The following ADGB variants were observed in gnomAD, a reference collection of about 807,000 sequenced individuals.
ADGB encodes androglobin.
In ADGB, 172 loss-of-function variants were observed where a neutral mutation model predicts 210.5. The observed-to-expected ratio is 0.82, with a 90% CI of 0.72 to 0.93. The LOEUF (loss-of-function observed/expected upper bound fraction) is 0.93. Ranked by LOEUF, ADGB falls within the 40% of genes least tolerant of loss-of-function variation. ADGB has a pLI of 0.00. For missense variants in ADGB, 2,025 were observed against 1,964.8 expected, an observed-to-expected ratio of 1.03 and a Z score of -0.58; for synonymous variants, 658 against 662.7, an observed-to-expected ratio of 0.99 and a Z score of 0.11.
rs1780753289 is a variant in ADGB at position 146,614,198 on chromosome 6, TCCCTTCCTCCCTTCCTTCCTC to T, written c.74+15087_74+15107del. Among the ~76,000 whole-genome samples the T allele has an allele frequency of 2.2e-4, 20 of 92,220 alleles. No homozygotes were observed. In the South Asian group the frequency reaches 9.0e-3, roughly 41 times the overall value. 60.5% of individuals were successfully genotyped at this position (92,220 alleles called of 152,430 possible). A position where few individuals can be genotyped will look rare whatever the true frequency, so the allele number is the denominator to read the frequency against. On this transcript the variant is annotated intron_variant, in intron 1 of 35. Transcript: ENST00000397944. ...TTCTCTCCCTCCCTCCCTCCCTCCCTCCCTTCCTCCCTTCCTTCCTCCCTTCCTTCCTTCCTTCCTTCCTTC... is the reference window on the plus strand; with the variant it reads ...TTCTCTCCCTCCCTCCCTCCCTCCCTCCTTCCTTCCTTCCTTCCTTCCTTC...
At chr6:146,610,916 A>G (rs1780699053) in intron 1 of ADGB, among the ~76,000 whole-genome samples, 1 of 152,088 alleles carries the variant, frequency 6.6e-6, no homozygotes, top group Non-Finnish European at 1.5e-5. Context: ...GCACGCTGGC[A>G]TGGACAGGCC....
In ADGB at chr6:146,715,540, T is replaced by C. The variant is rs9485116; in HGVS notation, c.1741+125T>C. On this transcript the variant is annotated intron_variant, in intron 14 of 35. Coordinates refer to ENST00000397944, the MANE Select transcript of ADGB (RefSeq NM_024694.4). ...TTCTTCAGTGTCTCCTTTGATTTGCTGAGTCTAGTCTGCTCTGGGCTTTAA... is the reference window on the plus strand; with the variant it reads ...TTCTTCAGTGTCTCCTTTGATTTGCCGAGTCTAGTCTGCTCTGGGCTTTAA... 0.027 allele frequency: 16,103 copies of C among 600,514 alleles called. 1,957 individuals are homozygous for C. In the African/African-American group the frequency reaches 0.27, roughly 10 times the overall value. 37.2% of individuals were successfully genotyped at this position (600,514 alleles called of 1,614,324 possible).
At chr6:146,731,697 T>C (rs1776990386) in intron 20 of ADGB, among the ~76,000 whole-genome samples, 1 of 152,202 alleles carries the variant, frequency 6.6e-6, no homozygotes, top group Non-Finnish European at 1.5e-5. Flanking sequence ...TACCGTGTTA[T>C]ATTAACTCCT....
intron 8 of ADGB, among the ~76,000 whole-genome samples, chr6:146,674,788 C>T (rs1776064801): frequency 6.6e-6 from 1 of 152,110 alleles, no homozygotes; most frequent in Non-Finnish European, 1.5e-5. Flanking sequence ...GACAGAGGAG[C>T]AATCCTTATT....
At chr6:146,720,757 C>T (rs1291113638) in intron 16 of ADGB, among the ~76,000 whole-genome samples, 10 of 152,058 alleles carry the variant, frequency 6.6e-5, no homozygotes, top group Admixed American at 2.0e-4. Context: ...GAAAGTGCCA[C>T]GCACTTTCAA....
intron 35 of ADGB, among the ~76,000 whole-genome samples, chr6:146,804,283 A>T (rs73786783): frequency 0.033 from 4,963 of 152,152 alleles, 253 homozygotes; most frequent in African/African-American, 0.11. Flanking sequence ...ACTCCTACAC[A>T]TCCCCAAAGA....
At chr6:146,717,184 T>C in intron 15 of ADGB, 115 bp downstream of exon 15, 2 of 853,058 alleles carry the variant, frequency 2.3e-6, no homozygotes, top group Non-Finnish European at 3.5e-6. Flanking sequence ...AGTGGTTATA[T>C]AACCTATTAA....
At chr6:146,814,522 C>T (rs1382707810) in intron 35 of ADGB, among the ~76,000 whole-genome samples, 2 of 152,110 alleles carry the variant, frequency 1.3e-5, no homozygotes, top group Admixed American at 6.5e-5. Flanking sequence ...CATATAAGGC[C>T]TTGGTATCCT....
At chr6:146,691,712 A>G (rs746159045) in intron 11 of ADGB, among the ~76,000 whole-genome samples, 4 of 150,092 alleles carry the variant, frequency 2.7e-5, no homozygotes, top group Non-Finnish European at 5.9e-5. Flanking sequence ...CTCAGAAGCT[A>G]AGGAGTTTGG....
At chr6:146,721,270 G>T (rs892418746) in intron 16 of ADGB, 133 bp from the exon 17 acceptor site, 1 of 611,302 alleles carries the variant, frequency 1.6e-6, no homozygotes, top group African/African-American at 1.9e-5. Context: ...GATTCATAAA[G>T]TATTTATTGT....
intron 1 of ADGB, among the ~76,000 whole-genome samples, chr6:146,601,037 A>C (rs1780549448): frequency 6.6e-6 from 1 of 152,020 alleles, no homozygotes; most frequent in African/African-American, 2.4e-5. Flanking sequence ...GCTTCGGGAA[A>C]ATCTTGGACT....
chr6:146,673,226 A>G (rs1314984835), intron 8 of ADGB, among the ~76,000 whole-genome samples: 1 of 152,220 alleles, frequency 6.6e-6, no homozygotes, highest in Non-Finnish European at 1.5e-5. Flanking sequence ...ATATGGACAT[A>G]TTGCTATCAG....
At chr6:146,668,067 G>A (rs1241595077) in intron 7 of ADGB, among the ~76,000 whole-genome samples, 1 of 151,996 alleles carries the variant, frequency 6.6e-6, no homozygotes, top group African/African-American at 2.4e-5. Context: ...TCAACTTAGT[G>A]CTGACTTATA....
chr6:146,669,533 T>C (rs1775978709), intron 7 of ADGB, among the ~76,000 whole-genome samples: 1 of 152,112 alleles, frequency 6.6e-6, no homozygotes, highest in Admixed American at 6.6e-5. Context: ...CCTCATTTAC[T>C]TGCATCCCAG....
chr6:146,788,106 CA>C (rs1777903828), intron 32 of ADGB, among the ~76,000 whole-genome samples: 1 of 152,152 alleles, frequency 6.6e-6, no homozygotes, highest in African/African-American at 2.4e-5. Flanking sequence ...ACAGCATCCC[CA>C]ATAATTCAAA....
intron 13 of ADGB, among the ~76,000 whole-genome samples, chr6:146,702,425 C>T (rs1324230184): frequency 6.6e-6 from 1 of 151,848 alleles, no homozygotes; most frequent in Non-Finnish European, 1.5e-5. Flanking sequence ...TTTGAAAAAT[C>T]AGACCTTGGC....
intron 35 of ADGB, chr6:146,803,767 T>A: frequency 3.0e-6 from 2 of 658,730 alleles, no homozygotes; most frequent in Non-Finnish European, 5.1e-6. Context: ...GCCTCCGCGC[T>A]GACAATCAGC....
At position 146,736,473 on chromosome 6, in the gene ADGB, TTTTATTA is replaced by T. The variant is rs528184633; in HGVS notation, c.2795-15_2795-9del. The T allele has an allele frequency of 1.7e-4, 236 of 1,413,220 alleles. 2 individuals carry two copies. The East Asian group carries it at 5.0e-3, about 30-fold the overall frequency. 87.5% of individuals were successfully genotyped at this position (1,413,220 alleles called of 1,614,324 possible). Reference sequence around the variant, plus strand: ...TTTCAGGCATCTTAAAGCTTAACGTTTTTATTATTTATTATTATTTTTAGACACAAAA... The same window carrying T: ...TTTCAGGCATCTTAAAGCTTAACGTTTTTATTATTATTTTTAGACACAAAA... On this transcript the variant is annotated intron_variant, in intron 22 of 35. Coordinates refer to ENST00000397944, the MANE Select transcript of ADGB (RefSeq NM_024694.4).
intron 8 of ADGB, among the ~76,000 whole-genome samples, chr6:146,672,850 C>T (rs1776029881): frequency 6.6e-6 from 1 of 151,924 alleles, no homozygotes; most frequent in African/African-American, 2.4e-5. Flanking sequence ...CCTGCCTCAG[C>T]CTCCCAAGTA....
Sources: gnomAD v4.1 joint callset for allele counts (sites outside exome capture counted in the v4.1 genomes callset) on GRCh38, gnomAD v4.1.1 for gene constraint, MANE v1.5 for transcripts, NCBI Gene and HGNC (gene_info 2026-07-23, HGNC 2026-07-21) for gene names.